ESR1: variants seen among roughly 807,000 people sequenced by gnomAD.
ESR1 encodes the protein estrogen receptor 1, also known as estrogen receptor.
ESR1 carries 12 observed loss-of-function variants against 52.7 expected under a neutral mutation model. That is an observed-to-expected ratio of 0.23 (90% CI 0.15 to 0.37). The LOEUF (loss-of-function observed/expected upper bound fraction) is 0.37. ESR1 is among the 10% of genes least tolerant of loss of function. The pLI, the probability that ESR1 is intolerant of heterozygous loss-of-function variation, is 1.00. For synonymous variants in ESR1, 305 were observed against 316.8 expected (o/e 0.96, Z 0.39); for missense variants, 584 against 779.7 (o/e 0.75, Z 2.99).
At chr6:151,717,044 G>A (rs189167052) in intron 2 of ESR1, among the ~76,000 whole-genome samples, 330 of 152,312 alleles carry the variant, frequency 2.2e-3, no homozygotes, top group Non-Finnish European at 3.8e-3. Flanking sequence ...GAAAAGTGTA[G>A]TATCTGGGCA....
In ESR1 at chr6:151,808,140, C is replaced by A; in HGVS notation, c.228C>A (p.Thr76=). ...AAANAQVYGQ[T]GLPYGPGSEA... is the part of the protein sequence containing the mutation. ...CCAACGCGCAGGTCTACGGTCAGACCGGCCTCCCCTACGGCCCCGGGTCTG... is the reference window on the plus strand; with the variant it reads ...CCAACGCGCAGGTCTACGGTCAGACAGGCCTCCCCTACGGCCCCGGGTCTG... The change falls in exon 1 of 8, where the codon ACC becomes ACA. Residue 76 remains threonine, a synonymous_variant. Transcript: ENST00000206249. 1 of 1,605,194 alleles carries A rather than the reference C, an allele frequency of 6.2e-7. No individual in the cohort carries two copies. The highest frequency in any genetic ancestry group is 8.5e-7 in the Non-Finnish European group (1 of 1,176,454).
intron 2 of ESR1, among the ~76,000 whole-genome samples, chr6:151,704,537 G>A (rs1780039037): frequency 6.6e-6 from 1 of 152,242 alleles, no homozygotes; most frequent in Non-Finnish European, 1.5e-5. Flanking sequence ...TTACAGGCGT[G>A]AGCCAACGCC....
chr6:152,114,807 C>A (rs1419742171), intron 6 of ESR1, among the ~76,000 whole-genome samples: 1 of 137,470 alleles, frequency 7.3e-6, no homozygotes, highest in African/African-American at 2.7e-5. Flanking sequence ...AGGAGAATGG[C>A]GTGAACCCGG....
downstream of ESR1, among the ~76,000 whole-genome samples, chr6:152,103,803 C>A (rs958300228): frequency 1.1e-4 from 16 of 152,076 alleles, no homozygotes; most frequent in African/African-American, 3.9e-4. Context: ...CCACCCCCAC[C>A]CCAGGTTTCC....
intron 1 of ESR1, among the ~76,000 whole-genome samples, chr6:151,662,220 A>G (rs1027319031): frequency 6.6e-6 from 1 of 152,208 alleles, no homozygotes; most frequent in African/African-American, 2.4e-5. Flanking sequence ...CCTTGCTTGT[A>G]TATACAGGGT....
rs542548979 is a variant in ESR1 at position 151,711,701 on chromosome 6, G to A, written c.-71+9696G>A. Among the ~76,000 whole-genome samples, 4 of 152,132 alleles carry A rather than the reference G, an allele frequency of 2.6e-5. No individual in the cohort carries two copies. The South Asian group carries it at 8.3e-4, about 32-fold the overall frequency. ...ATATCCTTCACCCACTTTTTGATGG[G>A]GTTGTTTGTTTTCTTGTATATTTGT... On this transcript the variant is annotated intron_variant, in intron 2 of 2. Transcript: ENST00000404742.
chr6:151,667,419 C>A (rs1392454271), intron 1 of ESR1, among the ~76,000 whole-genome samples: 2 of 152,276 alleles, frequency 1.3e-5, no homozygotes, highest in East Asian at 1.9e-4. Context: ...AAGCACTGGG[C>A]AAATCATTTT....
At chr6:152,093,419 C>A (rs919884636) in intron 6 of ESR1, among the ~76,000 whole-genome samples, 1 of 151,128 alleles carries the variant, frequency 6.6e-6, no homozygotes, top group Admixed American at 6.6e-5. Flanking sequence ...TTCCTTTCTG[C>A]AGACAGGAGT....
At chr6:152,048,361 CAAAAA>C (rs1180207041) in intron 5 of ESR1, among the ~76,000 whole-genome samples, 1 of 62,284 alleles carries the variant, frequency 1.6e-5, no homozygotes, top group African/African-American at 6.9e-5. Context: ...GACACCATCT[CAAAAA>C]AAAAAAAAAA....
rs150165393 is a variant in ESR1 at position 151,892,304 on chromosome 6, G to A, written c.760+11533G>A. Among the ~76,000 whole-genome samples the A allele has an allele frequency of 3.3e-4, 51 of 152,252 alleles. No individual in the cohort carries two copies. The East Asian group carries it at 7.3e-3, about 22-fold the overall frequency. ...AAGGTAGTATATACAAGTGTATATT[G>A]GGGGTTGGGAGCAACTGCCGCAGCT... On this transcript the variant is annotated intron_variant, in intron 3 of 7. Coordinates refer to ENST00000206249, the MANE Select transcript of ESR1 (RefSeq NM_000125.4).
chr6:151,918,670 G>A (rs983120348), intron 3 of ESR1, among the ~76,000 whole-genome samples: 6 of 152,192 alleles, frequency 3.9e-5, no homozygotes, highest in African/African-American at 1.4e-4. Flanking sequence ...GTAGCATGGT[G>A]GAAAAGTTGG....
intron 2 of ESR1, among the ~76,000 whole-genome samples, chr6:151,794,957 C>T (rs1407020101): frequency 6.6e-6 from 1 of 152,104 alleles, no homozygotes; most frequent in Admixed American, 6.5e-5. Context: ...CTTTATCACA[C>T]TCTCAGTACC....
At chr6:152,052,615 AG>A (rs2046776111) in intron 5 of ESR1, among the ~76,000 whole-genome samples, 1 of 152,092 alleles carries the variant, frequency 6.6e-6, no homozygotes, top group South Asian at 2.1e-4. Flanking sequence ...TTACAGAAAA[AG>A]TCTGATATAA....
chr6:151,982,612 G>A (rs1437708540), intron 4 of ESR1, among the ~76,000 whole-genome samples: 3 of 151,532 alleles, frequency 2.0e-5, no homozygotes, highest in East Asian at 3.9e-4. Flanking sequence ...AGCCTCCTGA[G>A]TAGCTGGGAC....
intron 4 of ESR1, among the ~76,000 whole-genome samples, chr6:151,952,375 G>A (rs770835315): frequency 6.6e-6 from 1 of 152,270 alleles, no homozygotes; most frequent in Non-Finnish European, 1.5e-5. Flanking sequence ...AACTGCTTAA[G>A]TCAGACAATC....
chr6:151,861,756 C>T (rs1353782047), intron 2 of ESR1, among the ~76,000 whole-genome samples: 1 of 151,894 alleles, frequency 6.6e-6, no homozygotes, highest in African/African-American at 2.4e-5. Flanking sequence ...GTAAATGGCT[C>T]TTATTCTTAC....
In ESR1 at chr6:151,956,417, A is replaced by G. The variant is rs535290418; in HGVS notation, c.1096+11909A>G. 6.0e-4 allele frequency among the ~76,000 whole-genome samples: 91 copies of G among 152,306 alleles called. No individual in the cohort carries two copies. In the South Asian group the frequency reaches 0.018, roughly 31 times the overall value. On this transcript the variant is annotated intron_variant, in intron 4 of 7. Coordinates refer to ENST00000206249, the MANE Select transcript of ESR1 (RefSeq NM_000125.4). Reference sequence around the variant, plus strand: ...ACTGTTATTACTCTCTGCCCATTTCACACATGAAGGAGCAGAAATGGAGCA... The same window carrying G: ...ACTGTTATTACTCTCTGCCCATTTCGCACATGAAGGAGCAGAAATGGAGCA...
chr6:151,986,972 G>A (rs551765108), intron 4 of ESR1, among the ~76,000 whole-genome samples: 26 of 152,086 alleles, frequency 1.7e-4, no homozygotes, highest in African/African-American at 6.0e-4. Context: ...TTTTTGCATG[G>A]CAGGCTTTGT....
chr6:152,054,454 C>T (rs949043515), intron 5 of ESR1, among the ~76,000 whole-genome samples: 3 of 152,084 alleles, frequency 2.0e-5, no homozygotes, highest in Non-Finnish European at 4.4e-5. Flanking sequence ...TGCTGTCTCA[C>T]GTCTTCTCTC....
Sources: allele counts gnomAD v4.1 joint callset (sites outside exome capture counted in the v4.1 genomes callset), GRCh38; gene constraint gnomAD v4.1.1; transcripts MANE v1.5; gene names NCBI Gene and HGNC (gene_info 2026-07-23, HGNC 2026-07-21).